The following CEP131 variants were observed in gnomAD, a reference collection of about 807,000 sequenced individuals.
CEP131 encodes centrosomal protein 131.
In CEP131, 99 loss-of-function variants were observed where a neutral mutation model predicts 136.8. The ratio of observed to expected loss-of-function variants is 0.72; its 90% CI spans 0.62 to 0.86. CEP131 has a LOEUF of 0.86. CEP131 is among the 40% of genes least tolerant of loss of function. The pLI, the probability that CEP131 is intolerant of heterozygous loss-of-function variation, is 0.00. For missense variants in CEP131, 1,459 were observed against 1,463.0 expected (o/e 1.00, Z 0.04); for synonymous variants, 646 against 612.7 (o/e 1.05, Z -0.80).
At chr17:81,207,305 C>T in intron 3 of CEP131, 66 bp from the exon 4 acceptor site, 4 of 1,431,642 alleles carry the variant, frequency 2.8e-6, no homozygotes, top group Non-Finnish European at 3.9e-6. Context: ...GCTAGGCACA[C>T]AGACCAGGCA....
chr17:81,199,045 G>A, intron 10 of CEP131, 74 bp from the exon 11 acceptor site: 1 of 1,372,940 alleles, frequency 7.3e-7, no homozygotes, highest in Non-Finnish European at 9.6e-7. Context: ...GCACCCCCGG[G>A]AAGGAGCCAG....
chr17:81,194,772 G>A (rs1031386067), intron 17 of CEP131, 98 bp downstream of exon 17: 216 of 1,007,160 alleles, frequency 2.1e-4, no homozygotes, highest in Non-Finnish European at 3.0e-4. Context: ...GGAAGGTCTC[G>A]GACTACATGA....
intron 15 of CEP131, 145 bp downstream of exon 15, chr17:81,196,556 G>A: frequency 7.8e-7 from 1 of 1,289,570 alleles, no homozygotes; most frequent in East Asian, 2.5e-5. Flanking sequence ...GGAATGGCAT[G>A]GGAAAGGCTT....
chr17:81,197,464 G>C, intron 13 of CEP131: 1 of 585,102 alleles, frequency 1.7e-6, no homozygotes, highest in Non-Finnish European at 2.9e-6. Context: ...GGGTAGGTGG[G>C]GGCAGTATGG....
At chr17:81,196,327 G>C (rs2061754801) in intron 15 of CEP131, among the ~76,000 whole-genome samples, 1 of 152,186 alleles carries the variant, frequency 6.6e-6, no homozygotes, top group South Asian at 2.1e-4. Context: ...GCCGGCCCCA[G>C]GCCAGACCCC....
chr17:81,214,009 C>G (rs1389582761), intron 2 of CEP131, among the ~76,000 whole-genome samples: 9 of 152,238 alleles, frequency 5.9e-5, no homozygotes, highest in Non-Finnish European at 1.0e-4. Flanking sequence ...GAGAAACTCA[C>G]AGCCCAAACA....
Position 81,203,553 on chromosome 17 carries a change from G to A in CEP131, c.570C>T (p.Tyr190=). The change falls in exon 6 of 26, where the codon TAC becomes TAT. Residue 190 remains tyrosine (Y), a synonymous_variant. Transcript: ENST00000450824. This position sits in a 1 kb window ranked among gnomAD's most constrained non-coding sequence, Gnocchi z 4.6. ...NCVTTMVHNR[Y]TPSERAPPLK... is the part of the protein sequence containing the mutation. ...GCGGAGGCGCCCTCTCCGAGGGGGT[G>A]TAGCGGTTGTGCACCATGGTGGTGA... The A allele has an allele frequency of 2.5e-6, 4 of 1,608,650 alleles. No individual in the cohort carries two copies. The highest frequency in any genetic ancestry group is 1.3e-5 in the African/African-American group (1 of 75,014).
intron 2 of CEP131, among the ~76,000 whole-genome samples, chr17:81,209,252 G>A (rs539095055): frequency 7.2e-5 from 11 of 152,250 alleles, no homozygotes; most frequent in Middle Eastern, 6.8e-3. Context: ...CCCCGTCCCC[G>A]CATCAAGCAG....
At chr17:81,220,272 A>C (rs983446986) in intron 1 of CEP131, among the ~76,000 whole-genome samples, 199 bp from the exon 2 acceptor site, 1 of 152,086 alleles carries the variant, frequency 6.6e-6, no homozygotes, top group African/African-American at 2.4e-5. Flanking sequence ...GCCCAATGTC[A>C]GTGTATGCCA....
At chr17:81,212,833 A>G (rs1408679751) in intron 2 of CEP131, among the ~76,000 whole-genome samples, 4 of 152,178 alleles carry the variant, frequency 2.6e-5, no homozygotes, top group African/African-American at 9.7e-5. Flanking sequence ...ACCAATGGTT[A>G]CTAGGTAGGT....
intron 13 of CEP131, 85 bp downstream of exon 13, chr17:81,197,627 G>GGGGCCTCCTCCT (rs2061791712): frequency 6.7e-7 from 1 of 1,488,812 alleles, no homozygotes; most frequent in Admixed American, 2.2e-5. Flanking sequence ...GGGCTGGTGA[G>GGGGCCTCCTCCT]GGGCCTCCTC....
intron 2 of CEP131, among the ~76,000 whole-genome samples, chr17:81,211,352 G>A (rs2725393): frequency 0.92 from 140,717 of 152,242 alleles, 65,234 homozygotes; most frequent in Non-Finnish European, 0.96. Context: ...CCTTCTAGGA[G>A]AAACAAGATG....
chr17:81,222,522 C>T (rs928792082), intron 1 of CEP131, among the ~76,000 whole-genome samples: 2 of 152,172 alleles, frequency 1.3e-5, no homozygotes, highest in African/African-American at 4.8e-5. Context: ...CCCACACCCT[C>T]AGGCACGAGC....
chr17:81,192,183 G>A, intron 21 of CEP131, 135 bp downstream of exon 21: 1 of 758,616 alleles, frequency 1.3e-6, no homozygotes, highest in Non-Finnish European at 2.1e-6. Context: ...ACAACCCCAA[G>A]CAGCCAGATG....
rs1464438085 is a variant in CEP131 at position 81,190,548 on chromosome 17, A to C, written c.3107+91T>G. 5 of 1,407,946 alleles carry C rather than the reference A, an allele frequency of 3.6e-6. No individual in the cohort carries two copies. The African/African-American group carries it at 5.9e-5, about 17-fold the overall frequency. The allele number at this position is 1,407,946 out of a possible 1,614,324, so 87.2% of individuals were successfully genotyped here. On this transcript the variant is annotated intron_variant, in intron 24 of 25. Coordinates refer to ENST00000450824, the MANE Select transcript of CEP131 (RefSeq NM_014984.4). ...GTCTCTGCATCTCCTGGCCTTCCTC[A>C]GCCACAGCCTCCTGGGGCTTGGAGC... is the stretch of plus-strand genomic sequence containing the variant.
intron 4 of CEP131, 70 bp downstream of exon 4, chr17:81,207,055 G>T: frequency 6.4e-7 from 1 of 1,555,128 alleles, no homozygotes; most frequent in Non-Finnish European, 8.7e-7. Flanking sequence ...AAGGCAGTGA[G>T]AACAAATTAG....
chr17:81,198,173 G>A lies in CEP131; in HGVS notation c.1412C>T (p.Pro471Leu), dbSNP rs574943284. ...GGTCCTGGGGCGGGGCAGCACGTCCGGCTCCTTCTCCAGCAGCTGCAGTGT... is the reference window on the plus strand; with the variant it reads ...GGTCCTGGGGCGGGGCAGCACGTCCAGCTCCTTCTCCAGCAGCTGCAGTGT... ...LHTLQLLEKEPDVLPRPRTHH... is the reference protein window; with the variant it reads ...LHTLQLLEKELDVLPRPRTHH... The change falls in exon 12 of 26, where the codon CCG (proline) becomes CTG (leucine). Residue 471 changes from proline to leucine, a missense_variant. Coordinates refer to ENST00000450824, the MANE Select transcript of CEP131 (RefSeq NM_014984.4). 24 of 1,579,506 alleles carry A rather than the reference G, an allele frequency of 1.5e-5. No individual in the cohort carries two copies. Among genetic ancestry groups the A allele is most frequent in the Admixed American group, 7.1e-5 (4 of 55,988 alleles).
intron 2 of CEP131, among the ~76,000 whole-genome samples, chr17:81,211,851 TGAGCCCAGGAATTA>T (rs1288739799): frequency 6.6e-6 from 1 of 150,676 alleles, no homozygotes; most frequent in Admixed American, 6.6e-5. Flanking sequence ...GAGGATCACT[TGAGCCCAGGAATTA>T]GAGGTTGTAG....
At chr17:81,207,583 C>A (rs961402167) in intron 3 of CEP131, among the ~76,000 whole-genome samples, 1 of 151,554 alleles carries the variant, frequency 6.6e-6, no homozygotes, top group Non-Finnish European at 1.5e-5. Flanking sequence ...CTCCTGGGCT[C>A]AAGAGATCCT....
Sources: allele counts gnomAD v4.1 joint callset (sites outside exome capture counted in the v4.1 genomes callset), GRCh38; gene constraint gnomAD v4.1.1; non-coding constraint Gnocchi (gnomAD v3.1); transcripts MANE v1.5; gene names NCBI Gene and HGNC (gene_info 2026-07-23, HGNC 2026-07-21).